SPG11: variants seen among roughly 807,000 people sequenced by gnomAD.
SPG11 encodes the protein SPG11 vesicle trafficking associated, spatacsin, also known as spatacsin.
A neutral mutation model predicts 274.0 loss-of-function variants in SPG11; 222 were observed. The ratio of observed to expected loss-of-function variants is 0.81; its 90% CI spans 0.73 to 0.91. The LOEUF (loss-of-function observed/expected upper bound fraction) is 0.91. SPG11 is among the 40% of genes least tolerant of loss of function. The probability of loss-of-function intolerance (pLI) is 0.00; values close to 1 mark genes in which losing one functional copy is unlikely to be tolerated. For synonymous variants in SPG11, 1,144 were observed against 1,039.7 expected, an observed-to-expected ratio of 1.10 and a Z score of -1.93; for missense variants, 3,114 against 2,872.7, an observed-to-expected ratio of 1.08 and a Z score of -1.92.
chr15:44,652,338 T>C, intron 4 of SPG11, 72 bp from the exon 5 acceptor site: 1 of 1,509,716 alleles, frequency 6.6e-7, no homozygotes, highest in Non-Finnish European at 9.1e-7. Context: ...CTACTGCTCC[T>C]GTTAAAAATA....
intron 20 of SPG11, among the ~76,000 whole-genome samples, chr15:44,603,776 A>G (rs1225829768): frequency 1.3e-5 from 2 of 152,198 alleles, no homozygotes; most frequent in Non-Finnish European, 2.9e-5. Flanking sequence ...TACACTTTAG[A>G]TTACTCTAGA....
chr15:44,574,264 G>A (rs376541379), intron 31 of SPG11, among the ~76,000 whole-genome samples: 70 of 152,264 alleles, frequency 4.6e-4, no homozygotes, highest in African/African-American at 7.9e-4. Flanking sequence ...TCGGCCTCCC[G>A]AATTGCTGGG....
intron 30 of SPG11, among the ~76,000 whole-genome samples, chr15:44,579,901 A>C (rs995472928): frequency 1.1e-4 from 17 of 152,194 alleles, no homozygotes; most frequent in Middle Eastern, 3.2e-3. Flanking sequence ...GACATAGCAC[A>C]ATTACTTAAT....
intron 7 of SPG11, among the ~76,000 whole-genome samples, chr15:44,639,167 C>G (rs756012150): frequency 4.6e-5 from 7 of 151,668 alleles, no homozygotes; most frequent in Non-Finnish European, 1.0e-4. Flanking sequence ...ACAGAATAGG[C>G]ATTCAATAAA....
chr15:44,602,900 A>G (rs1249311042), intron 20 of SPG11, among the ~76,000 whole-genome samples: 1 of 152,200 alleles, frequency 6.6e-6, no homozygotes, highest in African/African-American at 2.4e-5. Context: ...GCAATAGCCA[A>G]TAACCCTATA....
chr15:44,576,142 C>CAAAAAAA (rs201558800), intron 30 of SPG11, among the ~76,000 whole-genome samples: 16 of 43,032 alleles, frequency 3.7e-4, no homozygotes, highest in South Asian at 1.2e-3. Context: ...AACTCCATCT[C>CAAAAAAA]AAAAAAAAAA....
At chr15:44,611,091 TAAAAA>T (rs35831490) in intron 17 of SPG11, 106 bp from the exon 18 acceptor site, 1,331 of 69,836 alleles carry the variant, frequency 0.019, 18 homozygotes, top group Middle Eastern at 0.067. Flanking sequence ...CTATCCCCAG[TAAAAA>T]AAAAAAAAAA....
intron 7 of SPG11, among the ~76,000 whole-genome samples, chr15:44,638,187 T>A (rs934930912): frequency 1.3e-5 from 2 of 152,174 alleles, no homozygotes; most frequent in Non-Finnish European, 2.9e-5. Context: ...CTGAGCTGGG[T>A]GTGGTGGCTC....
At chr15:44,570,180 C>T (rs982653249) in intron 34 of SPG11, among the ~76,000 whole-genome samples, 1 of 152,200 alleles carries the variant, frequency 6.6e-6, no homozygotes, top group African/African-American at 2.4e-5. Context: ...TGCCGACTTA[C>T]TTCAATTCAG....
chr15:44,608,452 G>T lies in SPG11; in HGVS notation c.3445C>A (p.Leu1149Ile), dbSNP rs779659352. Residue 1149 changes from leucine (L) to isoleucine (I), a missense_variant, in exon 19 of 40, where the codon CTT (leucine) becomes ATT (isoleucine). Leu to Ile is a conservative substitution (Grantham distance 5). Transcript: ENST00000261866. The stretch of plus-strand genomic sequence containing the variant: ...CCACCTAAATACTGTACCTGAATAA[G>T]GTGGTAGATTGTAATATCAGATGGC... ...VLPSDITIYHLIQSLSPFDPS... is the reference protein window; with the variant it reads ...VLPSDITIYHIIQSLSPFDPS... 1 of 1,614,084 alleles carries T rather than the reference G, an allele frequency of 6.2e-7. No homozygotes were observed. The highest frequency in any genetic ancestry group is 8.5e-7 in the Non-Finnish European group (1 of 1,179,990).
rs1464516168 is a variant in SPG11 at position 44,600,520 on chromosome 15, T to A, written c.3633A>T (p.Ala1211=). 1 of 1,614,030 alleles carries A rather than the reference T, an allele frequency of 6.2e-7. No homozygotes were observed. The highest frequency in any genetic ancestry group is 2.2e-5 in the East Asian group (1 of 44,878). Residue 1211 remains alanine, a synonymous_variant, in exon 21 of 40, where the codon GCA becomes GCT. Transcript: ENST00000261866. ...ATTCCTGGACCAGAAAAGTACCAAA[T>A]GCAAATGATGGCCGCCCATTATGTA... ...YYLHNGRPSF[A]FGTFLVQELI...
At chr15:44,570,477 C>A (rs1476648141) in intron 34 of SPG11, 48 bp downstream of exon 34, 25 of 1,613,110 alleles carry the variant, frequency 1.5e-5, no homozygotes, top group African/African-American at 9.3e-5. Flanking sequence ...TTCTACTACT[C>A]TCAAAGGTTT....
chr15:44,632,195 T>C (rs532599175), intron 8 of SPG11, among the ~76,000 whole-genome samples: 44 of 152,270 alleles, frequency 2.9e-4, no homozygotes, highest in African/African-American at 9.4e-4. Flanking sequence ...TTTGGGATTA[T>C]TGGCTCTCTC....
At chr15:44,661,151 T>A (rs1487326811) in intron 1 of SPG11, among the ~76,000 whole-genome samples, 1 of 152,204 alleles carries the variant, frequency 6.6e-6, no homozygotes, top group African/African-American at 2.4e-5. Flanking sequence ...AATAGCCACA[T>A]GCAGCTACTG....
intron 34 of SPG11, among the ~76,000 whole-genome samples, 158 bp downstream of exon 34, chr15:44,570,367 G>T (rs1012161080): frequency 3.3e-5 from 5 of 152,192 alleles, no homozygotes; most frequent in African/African-American, 1.2e-4. Flanking sequence ...ATAACTTGGA[G>T]CAGAGGGTTG....
At chr15:44,594,511 T>TG (rs769386358) in intron 26 of SPG11, among the ~76,000 whole-genome samples, 1 of 148,312 alleles carries the variant, frequency 6.7e-6, no homozygotes, top group Non-Finnish European at 1.5e-5. Flanking sequence ...TCTGGGAAGA[T>TG]GAGGCAGGAG....
intron 1 of SPG11, among the ~76,000 whole-genome samples, chr15:44,661,280 AT>A (rs2085097861): frequency 6.6e-6 from 1 of 152,248 alleles, no homozygotes; most frequent in Admixed American, 6.5e-5. Context: ...AAATGTCAAA[AT>A]AACAACACTG....
At position 44,648,865 on chromosome 15, in the gene SPG11, C is replaced by A; in HGVS notation, c.1602+1G>T. The A allele has an allele frequency of 6.2e-7, 1 of 1,613,928 alleles. No homozygotes were observed. The highest frequency in any genetic ancestry group is 1.1e-5 in the South Asian group (1 of 91,076). ...TGTTCTTGGGCATTTAATTCTGTTA[C>A]CTCTAGTGCATGTATGGGAATTGAG... On this transcript the variant is annotated splice_donor_variant, in intron 7 of 39. Transcript: ENST00000261866. LOFTEE classifies it high-confidence loss of function.
chr15:44,598,551 C>T (rs966458123), intron 22 of SPG11, 80 bp downstream of exon 22: 39 of 1,421,302 alleles, frequency 2.7e-5, no homozygotes, highest in Non-Finnish European at 3.9e-5. Flanking sequence ...ACCATTTTCT[C>T]CCCAAACACT....
Sources: allele counts gnomAD v4.1 joint callset (sites outside exome capture counted in the v4.1 genomes callset), GRCh38; gene constraint gnomAD v4.1.1; transcripts MANE v1.5; gene names NCBI Gene and HGNC (gene_info 2026-07-23, HGNC 2026-07-21).